CDHR3: variants seen among roughly 807,000 people sequenced by gnomAD.
The protein encoded by CDHR3 is cadherin-related family member 3.
A neutral mutation model predicts 86.6 loss-of-function variants in CDHR3; 79 were observed. The ratio of observed to expected loss-of-function variants is 0.91; its 90% CI spans 0.76 to 1.10. The LOEUF (loss-of-function observed/expected upper bound fraction) is 1.10, where lower values mean the gene tolerates loss of function less well. Ranked by LOEUF, CDHR3 falls within the 50% of genes least tolerant of loss-of-function variation. CDHR3 has a pLI of 0.00. For missense variants in CDHR3, 1,081 were observed against 1,077.6 expected (o/e 1.00, Z -0.04); for synonymous variants, 421 against 402.4 (o/e 1.05, Z -0.55).
chr7:105,988,678 G>T (rs1310834702), intron 4 of CDHR3, among the ~76,000 whole-genome samples: 1 of 152,194 alleles, frequency 6.6e-6, no homozygotes, highest in Non-Finnish European at 1.5e-5. Context: ...TAAAAAGCAT[G>T]TGCTGGTACA....
At chr7:106,020,641 T>A in intron 13 of CDHR3, 97 bp downstream of exon 13, 1 of 1,371,936 alleles carries the variant, frequency 7.3e-7, no homozygotes, top group Non-Finnish European at 9.9e-7. Context: ...CTGGGCAAAG[T>A]GGGATGGGAG....
chr7:105,983,172 G>A (rs980401204), intron 3 of CDHR3, among the ~76,000 whole-genome samples: 1 of 152,098 alleles, frequency 6.6e-6, no homozygotes, highest in Non-Finnish European at 1.5e-5. Flanking sequence ...CCATGGAAAC[G>A]GAAGTTGCAT....
intron 8 of CDHR3, among the ~76,000 whole-genome samples, chr7:106,007,943 T>C (rs1291045220): frequency 6.6e-6 from 1 of 152,134 alleles, no homozygotes; most frequent in Non-Finnish European, 1.5e-5. Context: ...GGGCTTACAG[T>C]TCCACGTGGC....
intron 9 of CDHR3, among the ~76,000 whole-genome samples, 170 bp downstream of exon 9, chr7:106,013,201 C>A (rs993577094): frequency 6.6e-6 from 1 of 152,140 alleles, no homozygotes; most frequent in African/African-American, 2.4e-5. Context: ...TTTATTTTAC[C>A]CTGGTTCCAG....
chr7:106,028,363 G>A, intron 16 of CDHR3, 188 bp from the exon 17 acceptor site: 2 of 684,778 alleles, frequency 2.9e-6, no homozygotes, highest in South Asian at 1.6e-5. Flanking sequence ...GTATACATAT[G>A]TGTACGTATT....
intron 3 of CDHR3, among the ~76,000 whole-genome samples, chr7:105,981,885 C>G (rs1051009565): frequency 1.3e-5 from 2 of 152,106 alleles, no homozygotes; most frequent in African/African-American, 4.8e-5. Flanking sequence ...CTTGACTCCT[C>G]TCTCTTTCAC....
At chr7:105,983,084 TC>T (rs1347799666) in intron 3 of CDHR3, among the ~76,000 whole-genome samples, 2 of 152,280 alleles carry the variant, frequency 1.3e-5, no homozygotes, top group East Asian at 3.9e-4. Context: ...AACTCACACT[TC>T]CTTCCCCAAT....
intron 8 of CDHR3, among the ~76,000 whole-genome samples, chr7:106,005,750 ATGAATGTCTCCC>A (rs1038913982): frequency 6.6e-6 from 1 of 152,246 alleles, no homozygotes; most frequent in African/African-American, 2.4e-5. Flanking sequence ...TATTATACTC[ATGAATGTCTCCC>A]TGTTGTCCCA....
At position 106,013,048 on chromosome 7, in the gene CDHR3, T is replaced by G; in HGVS notation, c.1224+17T>G. On this transcript the variant is annotated intron_variant, in intron 9 of 18. Transcript: ENST00000317716. ...AAGATTGTGGTCAGTTAATGGTCATTGCATCATTAAAAGGGCATCGGGAAT... is the reference window on the plus strand; with the variant it reads ...AAGATTGTGGTCAGTTAATGGTCATGGCATCATTAAAAGGGCATCGGGAAT... 1 of 1,564,266 alleles carries G rather than the reference T, an allele frequency of 6.4e-7. No individual in the cohort carries two copies. The highest frequency in any genetic ancestry group is 8.6e-7 in the Non-Finnish European group (1 of 1,156,184).
At chr7:106,029,382 C>A (rs55647300) in intron 17 of CDHR3, among the ~76,000 whole-genome samples, 1 of 152,162 alleles carries the variant, frequency 6.6e-6, no homozygotes, top group African/African-American at 2.4e-5. Flanking sequence ...CTTATCACCT[C>A]GGGGACTTCC....
At chr7:105,976,526 T>A (rs1176735006) in intron 2 of CDHR3, among the ~76,000 whole-genome samples, 2 of 152,190 alleles carry the variant, frequency 1.3e-5, no homozygotes, top group Admixed American at 1.3e-4. Context: ...ATATTCACAG[T>A]CATGCAAGCA....
At position 106,030,777 on chromosome 7, in the gene CDHR3, C is replaced by G; in HGVS notation, c.2305-15C>G. ...TGTAGGATTGTGTTTGATGCTGTCTCTGTCTTCTCCTTAGGAAACTATCCA... is the reference window on the plus strand; with the variant it reads ...TGTAGGATTGTGTTTGATGCTGTCTGTGTCTTCTCCTTAGGAAACTATCCA... On this transcript the variant is annotated splice_polypyrimidine_tract_variant and intron_variant, in intron 17 of 18. Coordinates refer to ENST00000317716, the MANE Select transcript of CDHR3 (RefSeq NM_152750.5). The surrounding 1 kb of genome is among the most constrained non-coding windows in gnomAD (Gnocchi z 4.8). The G allele has an allele frequency of 6.2e-7, 1 of 1,607,684 alleles. No homozygotes were observed.
intron 4 of CDHR3, among the ~76,000 whole-genome samples, chr7:105,990,306 T>C (rs942650316): frequency 6.6e-6 from 1 of 152,182 alleles, no homozygotes; most frequent in Non-Finnish European, 1.5e-5. Context: ...TAGCTCATCC[T>C]CAGAACAATG....
chr7:105,967,490 C>A (rs186334206), intron 1 of CDHR3, among the ~76,000 whole-genome samples: 3 of 152,278 alleles, frequency 2.0e-5, no homozygotes, highest in Admixed American at 6.5e-5. Flanking sequence ...TGGCTGGGTC[C>A]AATGGTATTT....
chr7:105,984,952 G>T (rs981996143), intron 4 of CDHR3, among the ~76,000 whole-genome samples: 1 of 151,902 alleles, frequency 6.6e-6, no homozygotes, highest in African/African-American at 2.4e-5. Context: ...CCAGCTACTC[G>T]GGAGGCTGAG....
intron 1 of CDHR3, among the ~76,000 whole-genome samples, chr7:105,964,388 T>A (rs921635913): frequency 3.3e-5 from 5 of 152,188 alleles, no homozygotes; most frequent in Admixed American, 6.5e-5. Flanking sequence ...GTGATTCTCA[T>A]GAATTTTCCA....
At position 106,012,915 on chromosome 7, in the gene CDHR3, T is replaced by C. The variant is rs777351305; in HGVS notation, c.1108T>C (p.Phe370Leu). 2 of 1,613,586 alleles carry C rather than the reference T, an allele frequency of 1.2e-6. No homozygotes were observed. The highest frequency in any genetic ancestry group is 2.7e-5 in the African/African-American group (2 of 74,890). ...KGTLLLDLNK[F>L]CFDDDSEAPN... ...GACGTTGCTTCTTGACCTAAACAAG[T>C]TCTGCTTTGATGATGACAGTGAGGC... Residue 370 changes from phenylalanine to leucine, a missense_variant, in exon 9 of 19, where the codon TTC (phenylalanine) becomes CTC (leucine). Coordinates refer to ENST00000317716, the MANE Select transcript of CDHR3 (RefSeq NM_152750.5).
At chr7:105,965,292 A>G (rs1393333569) in intron 1 of CDHR3, among the ~76,000 whole-genome samples, 1 of 152,124 alleles carries the variant, frequency 6.6e-6, no homozygotes, top group Non-Finnish European at 1.5e-5. Flanking sequence ...CATCACTATA[A>G]TAATCTCAAA....
At chr7:105,996,387 C>A in intron 6 of CDHR3, 33 bp downstream of exon 6, 1 of 1,310,898 alleles carries the variant, frequency 7.6e-7, no homozygotes, top group Non-Finnish European at 1.1e-6. Context: ...CTCCCTGGGC[C>A]GCAGGTGCGT....
Sources: allele counts gnomAD v4.1 joint callset (sites outside exome capture counted in the v4.1 genomes callset), GRCh38; gene constraint gnomAD v4.1.1; non-coding constraint Gnocchi (gnomAD v3.1); transcripts MANE v1.5; gene names NCBI Gene and HGNC (gene_info 2026-07-23, HGNC 2026-07-21).